Variants in ATP11C observed in about 807,000 individuals in gnomAD.
ATP11C encodes the protein phospholipid-transporting ATPase IG.
ATP11C carries 36 observed loss-of-function variants against 97.4 expected under a neutral mutation model. The observed-to-expected ratio is 0.37, with a 90% CI of 0.28 to 0.49. The LOEUF (loss-of-function observed/expected upper bound fraction) is 0.49. ATP11C is among the 20% of genes least tolerant of loss of function. The pLI is 0.98. For missense variants in ATP11C, 730 were observed against 824.6 expected, an observed-to-expected ratio of 0.89 and a Z score of 1.40; for synonymous variants, 275 against 290.9, an observed-to-expected ratio of 0.95 and a Z score of 0.56.
chrX:139,740,160 G>C (rs1042287315), intron 27 of ATP11C, among the ~76,000 whole-genome samples: 34 of 111,513 alleles, frequency 3.0e-4, no homozygotes, highest in African/African-American at 1.1e-3. Flanking sequence ...ACTATGGCTT[G>C]CTCTAGCCAT....
intron 18 of ATP11C, among the ~76,000 whole-genome samples, chrX:139,775,194 G>A (rs2082325790): frequency 9.0e-6 from 1 of 111,642 alleles, no homozygotes; most frequent in Non-Finnish European, 1.9e-5. Context: ...TTGGGTAACT[G>A]GTATCCAATG....
At chrX:139,767,168 A>C (rs2082155960) in intron 20 of ATP11C, among the ~76,000 whole-genome samples, 2 of 111,928 alleles carry the variant, frequency 1.8e-5, no homozygotes, top group South Asian at 3.7e-4. Context: ...TGTCCGAAAA[A>C]GAATGTATGA....
rs570970658 is a variant in ATP11C at position 139,864,578 on chromosome X, T to C, written c.28-37755A>G. On this transcript the variant is annotated intron_variant, in intron 1 of 29. Coordinates refer to ENST00000682941, the MANE Select transcript of ATP11C (RefSeq NM_001353812.2). ...GTGTCCTTATATGTAAATTGGGACATACAATATTCCTATAAGGTTTAAACA... is the reference window on the plus strand; with the variant it reads ...GTGTCCTTATATGTAAATTGGGACACACAATATTCCTATAAGGTTTAAACA... 1.7e-4 allele frequency among the ~76,000 whole-genome samples: 19 copies of C among 112,210 alleles called. No individual in the cohort carries two copies. In the East Asian group the frequency reaches 3.9e-3, roughly 23 times the overall value.
At chrX:139,893,297 T>A (rs1174472581) in intron 1 of ATP11C, among the ~76,000 whole-genome samples, 1 of 111,500 alleles carries the variant, frequency 9.0e-6, no homozygotes, top group Non-Finnish European at 1.9e-5. Context: ...TGACCTCAAG[T>A]AATCCGCCTG....
At chrX:139,929,009 C>A (rs1333481231) in intron 1 of ATP11C, among the ~76,000 whole-genome samples, 1 of 112,346 alleles carries the variant, frequency 8.9e-6, no homozygotes, top group African/African-American at 3.2e-5. Flanking sequence ...ACTATAGTCA[C>A]TAGGAATTGC....
At chrX:139,812,849 G>A (rs2083205862) in intron 5 of ATP11C, among the ~76,000 whole-genome samples, 1 of 112,098 alleles carries the variant, frequency 8.9e-6, no homozygotes, top group Non-Finnish European at 1.9e-5. Context: ...GATCAATAAT[G>A]CTGAGTTTCT....
chrX:139,783,375 T>C (rs2082504823), intron 16 of ATP11C, 108 bp from the exon 17 acceptor site: 1 of 504,416 alleles, frequency 2.0e-6, no homozygotes, highest in East Asian at 3.6e-5. Context: ...TTGTATATTC[T>C]GAGCACACCT....
intron 1 of ATP11C, among the ~76,000 whole-genome samples, chrX:139,877,802 G>A (rs2084499069): frequency 8.9e-6 from 1 of 112,089 alleles, no homozygotes; most frequent in South Asian, 3.7e-4. Context: ...AGGGTGGATC[G>A]CTTGGGGCCA....
chrX:139,864,612 T>A (rs765457257), intron 1 of ATP11C, among the ~76,000 whole-genome samples: 6 of 112,146 alleles, frequency 5.4e-5, no homozygotes, highest in Non-Finnish European at 1.1e-4. Flanking sequence ...CAAAATAACA[T>A]ACATATAGTG....
At chrX:139,862,994 A>G (rs1211881734) in intron 1 of ATP11C, among the ~76,000 whole-genome samples, 2 of 111,629 alleles carry the variant, frequency 1.8e-5, no homozygotes, top group Non-Finnish European at 3.8e-5. Context: ...CTGTACTTTG[A>G]TTTGTTCTAG....
chrX:139,859,068 C>T (rs1246188367), intron 1 of ATP11C, among the ~76,000 whole-genome samples: 2 of 112,001 alleles, frequency 1.8e-5, no homozygotes, highest in African/African-American at 6.5e-5. Context: ...CTGATTAAGA[C>T]AAACTTTTTT....
At chrX:139,918,675 C>CAAAAA (rs59502861) in intron 1 of ATP11C, among the ~76,000 whole-genome samples, 1 of 41,059 alleles carries the variant, frequency 2.4e-5, no homozygotes, top group Non-Finnish European at 4.5e-5. Context: ...AACCCCATTT[C>CAAAAA]AAAAAAAAAA....
chrX:139,760,754 T>C (rs2082021205), intron 22 of ATP11C, among the ~76,000 whole-genome samples: 2 of 111,715 alleles, frequency 1.8e-5, no homozygotes, highest in African/African-American at 6.5e-5. Flanking sequence ...CAGTGTCCAA[T>C]ATTGGGGATT....
In ATP11C at chrX:139,757,871, A is replaced by G. The variant is rs373754114; in HGVS notation, c.2641-4T>C. ...GTGGCAAAATGAAACAAAGGTTCTG[A>G]AAAAAAAAAATTAAGACAAGGATTA... On this transcript the variant is annotated splice_region_variant and splice_polypyrimidine_tract_variant and intron_variant, in intron 22 of 29. Transcript: ENST00000682941. 5 of 900,485 alleles carry G rather than the reference A, an allele frequency of 5.6e-6. No individual in the cohort carries two copies. Among genetic ancestry groups the G allele is most frequent in the Non-Finnish European group, 7.5e-6 (5 of 665,451 alleles). 74.2% of individuals were successfully genotyped at this position (900,485 alleles called of 1,213,427 possible).
chrX:139,888,456 C>G (rs1274602650), intron 1 of ATP11C, among the ~76,000 whole-genome samples: 1 of 110,932 alleles, frequency 9.0e-6, no homozygotes, highest in East Asian at 2.9e-4. Context: ...TTTCAAAACC[C>G]TGCCAAATCA....
intron 1 of ATP11C, among the ~76,000 whole-genome samples, chrX:139,847,604 G>T (rs1237018832): frequency 3.7e-5 from 4 of 109,163 alleles, no homozygotes; most frequent in South Asian, 4.1e-4. Context: ...TCCAGAGGCT[G>T]AGGCAGGATG....
chrX:139,770,622 T>C lies in ATP11C; in HGVS notation c.2217-2188A>G, dbSNP rs187430797. 2.2e-4 allele frequency among the ~76,000 whole-genome samples: 24 copies of C among 109,333 alleles called. 1 individual carries two copies. The highest frequency in any genetic ancestry group is 7.7e-4 in the African/African-American group (23 of 30,055). The allele number at this position is 109,333 out of a possible 115,157, so 94.9% of individuals were successfully genotyped here. Reference sequence around the variant, plus strand: ...GGGGCACTAGAGGTGAGAATGGGGGTATGAATATGGCTTGGGGGCTGATTT... The same window carrying C: ...GGGGCACTAGAGGTGAGAATGGGGGCATGAATATGGCTTGGGGGCTGATTT... On this transcript the variant is annotated intron_variant, in intron 19 of 29. Transcript: ENST00000682941.
At chrX:139,849,637 C>T (rs1248709367) in intron 1 of ATP11C, among the ~76,000 whole-genome samples, 1 of 112,269 alleles carries the variant, frequency 8.9e-6, no homozygotes, top group Non-Finnish European at 1.9e-5. Flanking sequence ...CATAGACCCA[C>T]ACTCCCATAA....
chrX:139,746,745 G>A (rs1260383302), intron 24 of ATP11C, among the ~76,000 whole-genome samples: 3 of 111,479 alleles, frequency 2.7e-5, no homozygotes, highest in African/African-American at 9.8e-5. Context: ...AAGTCAGAAC[G>A]CTAAATAAGG....
Sources: gnomAD v4.1 joint callset for allele counts (sites outside exome capture counted in the v4.1 genomes callset) on GRCh38, gnomAD v4.1.1 for gene constraint, MANE v1.5 for transcripts, NCBI Gene and HGNC (gene_info 2026-07-23, HGNC 2026-07-21) for gene names.